PRDM16: variants seen among roughly 807,000 people sequenced by gnomAD.
PRDM16 encodes the protein PR/SET domain 16.
Under a neutral mutation model 110.6 loss-of-function variants are expected in PRDM16, and 23 were observed. The observed-to-expected ratio is 0.21, with a 90% CI of 0.15 to 0.29. The LOEUF is 0.29. PRDM16 is among the 10% of genes least tolerant of loss of function. PRDM16 has a pLI of 1.00. For synonymous variants in PRDM16, 799 were observed against 781.8 expected (o/e 1.02, Z -0.37); for missense variants, 1,615 against 1,794.3 (o/e 0.90, Z 1.81).
chr1:3,178,115 G>T lies in PRDM16; in HGVS notation c.38-8010G>T, dbSNP rs376470201. ...CCGGTGTTTGGCGAGCTGAGGAGTG[G>T]ATCCTCCCCCTGCCAGCGATATTAG... On this transcript the variant is annotated intron_variant, in intron 1 of 16. Coordinates refer to ENST00000270722, the MANE Select transcript of PRDM16 (RefSeq NM_022114.4). Among the ~76,000 whole-genome samples, 3 of 152,176 alleles carry T rather than the reference G, an allele frequency of 2.0e-5. No homozygotes were observed. In the East Asian group the frequency reaches 5.8e-4, roughly 29 times the overall value.
intron 3 of PRDM16, among the ~76,000 whole-genome samples, chr1:3,329,487 C>T (rs898142295): frequency 7.2e-5 from 11 of 152,116 alleles, no homozygotes; most frequent in East Asian, 3.9e-4. Flanking sequence ...TGTCGGGGGC[C>T]GAGGGGTTTG....
At chr1:3,168,392 C>G (rs1406096837) in intron 1 of PRDM16, among the ~76,000 whole-genome samples, 1 of 143,170 alleles carries the variant, frequency 7.0e-6, no homozygotes, top group African/African-American at 2.6e-5. Flanking sequence ...ACCCCTGGAA[C>G]CAGCATCACA....
intron 5 of PRDM16, among the ~76,000 whole-genome samples, chr1:3,398,379 T>C (rs774872575): frequency 3.3e-5 from 5 of 152,168 alleles, no homozygotes; most frequent in Non-Finnish European, 5.9e-5. Context: ...CCCTACTCTT[T>C]CCTGTCAAGA....
intron 1 of PRDM16, among the ~76,000 whole-genome samples, chr1:3,142,824 G>A (rs1643578013): frequency 3.3e-5 from 5 of 152,236 alleles, no homozygotes; most frequent in Non-Finnish European, 1.5e-5. Flanking sequence ...AGGGGAAACT[G>A]ATGGATGGCC....
At chr1:3,171,632 G>A (rs1644026605) in intron 1 of PRDM16, among the ~76,000 whole-genome samples, 1 of 152,224 alleles carries the variant, frequency 6.6e-6, no homozygotes, top group Non-Finnish European at 1.5e-5. Context: ...CTGGCCACGA[G>A]CTGAGCTGGC....
intron 3 of PRDM16, among the ~76,000 whole-genome samples, chr1:3,254,388 C>G (rs1640002836): frequency 6.6e-6 from 1 of 152,092 alleles, no homozygotes; most frequent in Admixed American, 6.5e-5. Flanking sequence ...TTGCAGATGA[C>G]ATGATTGTAT....
chr1:3,155,763 G>A (rs528610329), intron 1 of PRDM16, among the ~76,000 whole-genome samples: 2 of 152,300 alleles, frequency 1.3e-5, no homozygotes, highest in Admixed American at 6.5e-5. Flanking sequence ...GCAAGGCTTC[G>A]GGGATTCAGT....
intron 1 of PRDM16, among the ~76,000 whole-genome samples, chr1:3,142,259 G>C (rs922875576): frequency 7.2e-5 from 11 of 152,250 alleles, no homozygotes; most frequent in Admixed American, 6.5e-5. Context: ...AACAAACAGC[G>C]ATGTCTTAGA....
chr1:3,271,978 C>T (rs1640466506), intron 3 of PRDM16, among the ~76,000 whole-genome samples: 1 of 152,314 alleles, frequency 6.6e-6, no homozygotes, highest in African/African-American at 2.4e-5. Flanking sequence ...CAGAATGAGA[C>T]AGCTTCTCCC....
At chr1:3,329,327 G>A (rs1460677061) in intron 3 of PRDM16, among the ~76,000 whole-genome samples, 1 of 152,212 alleles carries the variant, frequency 6.6e-6, no homozygotes, top group African/African-American at 2.4e-5. Context: ...CTTCATCTGA[G>A]GGGTCAAGCA....
At chr1:3,398,026 T>C (rs1643413095) in intron 5 of PRDM16, among the ~76,000 whole-genome samples, 1 of 152,124 alleles carries the variant, frequency 6.6e-6, no homozygotes, top group Non-Finnish European at 1.5e-5. Flanking sequence ...ATTTAGGCCA[T>C]TGAGAAAAGA....
intron 1 of PRDM16, among the ~76,000 whole-genome samples, chr1:3,096,180 A>G (rs796812721): frequency 2.3e-4 from 35 of 152,252 alleles, no homozygotes; most frequent in African/African-American, 7.7e-4. Flanking sequence ...CCATGTGGGC[A>G]GGAACCTCGG....
chr1:3,323,031 C>T (rs560390511), intron 3 of PRDM16, among the ~76,000 whole-genome samples: 40 of 152,214 alleles, frequency 2.6e-4, no homozygotes, highest in Non-Finnish European at 4.9e-4. Flanking sequence ...CTCTCTGGCC[C>T]GTGCTTCTGC....
chr1:3,085,562 G>A (rs1642129545), intron 1 of PRDM16, among the ~76,000 whole-genome samples: 1 of 152,228 alleles, frequency 6.6e-6, no homozygotes, highest in Admixed American at 6.5e-5. Context: ...AGTGACCCCG[G>A]CTCCTCCTGG....
chr1:3,297,575 C>G (rs1346921103), intron 3 of PRDM16, among the ~76,000 whole-genome samples: 2 of 152,084 alleles, frequency 1.3e-5, no homozygotes, highest in Non-Finnish European at 2.9e-5. Context: ...CGAACCACTG[C>G]GCCCGGCCTG....
rs778182875 is a variant in PRDM16 at position 3,411,702 on chromosome 1, C to T, written c.1505C>T (p.Thr502Met). Residue 502 changes from threonine (T) to methionine (M), a missense_variant, in exon 9 of 17, where the codon ACG becomes ATG. Thr to Met is a moderately conservative substitution (Grantham distance 81, BLOSUM62 -1). Around this residue, in one of 5 missense-constraint regions of PRDM16, gnomAD observed 772 missense variants for 748.3 expected, o/e 1.03. Transcript: ENST00000270722. ...CACCCGGGGAGCCTGCCCTTCTCCACGGCGCCTCCCACGTTCCCCGCACTC... is the reference window on the plus strand; with the variant it reads ...CACCCGGGGAGCCTGCCCTTCTCCATGGCGCCTCCCACGTTCCCCGCACTC... Reference protein sequence around the residue: ...RPHPGSLPFSTAPPTFPALTP... With the variant: ...RPHPGSLPFSMAPPTFPALTP... 27 of 1,610,090 alleles carry T rather than the reference C, an allele frequency of 1.7e-5. No individual in the cohort carries two copies. The highest frequency in any genetic ancestry group is 3.3e-5 in the South Asian group (3 of 90,526).
chr1:3,302,452 T>C (rs899285754), intron 3 of PRDM16, among the ~76,000 whole-genome samples: 2 of 152,182 alleles, frequency 1.3e-5, no homozygotes, highest in African/African-American at 4.8e-5. Flanking sequence ...CCAGTAGACT[T>C]GTTGGATTCA....
chr1:3,406,198 A>G (rs1643559014), intron 8 of PRDM16, among the ~76,000 whole-genome samples: 1 of 152,186 alleles, frequency 6.6e-6, no homozygotes, highest in South Asian at 2.1e-4. Flanking sequence ...GGGAGGAGAC[A>G]GGCAAGCCAG....
chr1:3,188,913 C>A (rs368189027), intron 2 of PRDM16, among the ~76,000 whole-genome samples: 1 of 152,250 alleles, frequency 6.6e-6, no homozygotes, highest in African/African-American at 2.4e-5. Context: ...TTTCTCCCCA[C>A]CTCCAGCCAC....
Sources: gnomAD v4.1 joint callset for allele counts (sites outside exome capture counted in the v4.1 genomes callset) on GRCh38, gnomAD v4.1.1 for gene constraint, gnomAD v4.1.1 regional missense constraint, MANE v1.5 for transcripts, NCBI Gene and HGNC (gene_info 2026-07-23, HGNC 2026-07-21) for gene names.